MTFR1: variants seen among roughly 807,000 people sequenced by gnomAD.
MTFR1 encodes mitochondrial fission regulator 1, also known as chondrocyte protein with a poly-proline region.
MTFR1 carries 28 observed loss-of-function variants against 38.8 expected under a neutral mutation model. The ratio of observed to expected loss-of-function variants is 0.72; its 90% CI spans 0.53 to 0.99. The LOEUF (loss-of-function observed/expected upper bound fraction) is 0.99, where lower values mean the gene tolerates loss of function less well. MTFR1 is among the 50% of genes least tolerant of loss of function. The pLI is 0.00. For missense variants in MTFR1, 358 were observed against 395.5 expected, an observed-to-expected ratio of 0.91 and a Z score of 0.81; for synonymous variants, 145 against 137.0, an observed-to-expected ratio of 1.06 and a Z score of -0.41.
downstream of MTFR1, among the ~76,000 whole-genome samples, chr8:65,712,308 T>TC (rs1805968834): frequency 1.3e-5 from 2 of 152,118 alleles, no homozygotes; most frequent in South Asian, 2.1e-4. Flanking sequence ...GCTGTCCAGA[T>TC]CCCCCCAACC....
chr8:65,765,247 T>C (rs1333666707), intron 3 of MTFR1, among the ~76,000 whole-genome samples: 3 of 151,746 alleles, frequency 2.0e-5, no homozygotes, highest in Non-Finnish European at 4.4e-5. Context: ...CCCAGCACTT[T>C]GGGAGGCCGA....
intron 3 of MTFR1, chr8:65,739,506 A>T (rs1807307175): frequency 6.4e-7 from 1 of 1,554,666 alleles, no homozygotes; most frequent in African/African-American, 1.4e-5. Flanking sequence ...ACTTACCTAA[A>T]AATCTACGAA....
chr8:65,717,813 CTG>C (rs1198969185), intron 2 of MTFR1: 4 of 152,282 alleles, frequency 2.6e-5, no homozygotes, highest in East Asian at 1.9e-4. Context: ...TTGCAACAAA[CTG>C]TAAACAATTA....
At chr8:65,696,512 T>C (rs1225279583) in intron 4 of MTFR1, among the ~76,000 whole-genome samples, 1 of 152,114 alleles carries the variant, frequency 6.6e-6, no homozygotes, top group Non-Finnish European at 1.5e-5. Context: ...GCTACAGAGA[T>C]CCTCCAGTTG....
intron 2 of MTFR1, chr8:65,719,225 C>G: frequency 9.0e-7 from 1 of 1,110,748 alleles, no homozygotes; most frequent in Non-Finnish European, 1.4e-6. Flanking sequence ...GTTCTCTCAC[C>G]TCAAGACCCC....
rs190284902 is a variant in MTFR1, at chr8:65,677,459, G to A, written c.67-4894G>A. ...GTGCAGTGGCACGATGTCAGCTCAC[G>A]GCAACCTCTGCCTCCCAGGTTTAAG... On this transcript the variant is annotated intron_variant, in intron 2 of 7. Transcript: ENST00000262146. Among the ~76,000 whole-genome samples the A allele has an allele frequency of 7.0e-5, 10 of 142,054 alleles. No homozygotes were observed. The East Asian group carries it at 1.8e-3, about 25-fold the overall frequency. The allele number at this position is 142,054 out of a possible 152,430, so 93.2% of individuals were successfully genotyped here.
At chr8:65,695,571 G>T (rs1177359973) in intron 4 of MTFR1, among the ~76,000 whole-genome samples, 1 of 152,108 alleles carries the variant, frequency 6.6e-6, no homozygotes, top group Admixed American at 6.5e-5. Flanking sequence ...TGGCCAGGCT[G>T]GTCTTGAACT....
intron 4 of MTFR1, among the ~76,000 whole-genome samples, chr8:65,701,050 C>T (rs975156570): frequency 3.3e-5 from 5 of 152,302 alleles, no homozygotes; most frequent in Admixed American, 2.0e-4. Context: ...TCCTCTACTG[C>T]CCCTCACATG....
rs569530765 is a variant in MTFR1 at position 65,669,628 on chromosome 8, C to T, written c.-80-245C>T. ...GTACAATGGCGCGATCTTGGCTCAC[C>T]GCAACCTCCGCCTCCTGGGTTCAAG... On this transcript the variant is annotated intron_variant, in intron 1 of 7. Transcript: ENST00000262146. 2.0e-3 allele frequency among the ~76,000 whole-genome samples: 306 copies of T among 151,884 alleles called. 1 individual carries two copies. The highest frequency in any genetic ancestry group is 7.2e-3 in the African/African-American group (297 of 41,426).
chr8:65,715,996 CAAAAAAAAAAA>C (rs779701295), intron 2 of MTFR1, among the ~76,000 whole-genome samples: 8 of 33,868 alleles, frequency 2.4e-4, no homozygotes, highest in South Asian at 2.3e-3. Flanking sequence ...GGCTCTGTCT[CAAAAAAAAAAA>C]AAAAAAAAAA....
At chr8:65,762,174 G>A (rs778394130) in intron 3 of MTFR1, among the ~76,000 whole-genome samples, 7 of 152,116 alleles carry the variant, frequency 4.6e-5, no homozygotes, top group Non-Finnish European at 1.0e-4. Flanking sequence ...GTTGAATGGC[G>A]CTGGTATTAA....
At chr8:65,703,757 A>G (rs1217646581) in intron 4 of MTFR1, among the ~76,000 whole-genome samples, 3 of 151,604 alleles carry the variant, frequency 2.0e-5, no homozygotes, top group Non-Finnish European at 4.4e-5. Flanking sequence ...TTGTTTTTGT[A>G]TTTGTTTTTA....
At chr8:65,768,288 T>C (rs533422510) in intron 3 of MTFR1, among the ~76,000 whole-genome samples, 1 of 152,222 alleles carries the variant, frequency 6.6e-6, no homozygotes, top group Non-Finnish European at 1.5e-5. Flanking sequence ...CTGATATGGT[T>C]TGGCTGTGCC....
chr8:65,681,363 G>C (rs535590932), intron 2 of MTFR1, among the ~76,000 whole-genome samples: 1 of 152,132 alleles, frequency 6.6e-6, no homozygotes, highest in South Asian at 2.1e-4. Flanking sequence ...CAGGTGATCC[G>C]CCCATTTTGG....
downstream of MTFR1, among the ~76,000 whole-genome samples, chr8:65,713,505 G>A (rs954537768): frequency 8.0e-5 from 12 of 149,076 alleles, no homozygotes; most frequent in African/African-American, 2.5e-4. Context: ...AAACAAAAAT[G>A]TGTTTCTCTC....
At chr8:65,706,979 G>T in intron 5 of MTFR1, 31 bp from the exon 6 acceptor site, 2 of 1,551,360 alleles carry the variant, frequency 1.3e-6, no homozygotes, top group Non-Finnish European at 1.7e-6. Flanking sequence ...AATACCAGTG[G>T]GATTAAGTTT....
intron 1 of MTFR1, among the ~76,000 whole-genome samples, chr8:65,654,643 T>C (rs1251988739): frequency 6.6e-6 from 1 of 152,210 alleles, no homozygotes; most frequent in Non-Finnish European, 1.5e-5. Flanking sequence ...AGTGGCGCAC[T>C]GATAGCTCAT....
intron 3 of MTFR1, among the ~76,000 whole-genome samples, chr8:65,690,407 G>C (rs1805238947): frequency 6.6e-6 from 1 of 151,990 alleles, no homozygotes. Flanking sequence ...GTGTCGTGGT[G>C]TGTGCCAGTA....
At chr8:65,688,117 C>T (rs1379763272) in intron 3 of MTFR1, among the ~76,000 whole-genome samples, 1 of 99,908 alleles carries the variant, frequency 1.0e-5, no homozygotes, top group African/African-American at 3.4e-5. Flanking sequence ...AAAAAAAAAA[C>T]AGGCCGGGCA....
Sources: gnomAD v4.1 joint callset for allele counts (sites outside exome capture counted in the v4.1 genomes callset) on GRCh38, gnomAD v4.1.1 for gene constraint, MANE v1.5 for transcripts, NCBI Gene and HGNC (gene_info 2026-07-23, HGNC 2026-07-21) for gene names.